Variants in DCC observed in about 807,000 individuals in gnomAD.
DCC encodes DCC netrin 1 receptor, also known as netrin receptor DCC.
In DCC, 58 loss-of-function variants were observed where a neutral mutation model predicts 172.5. The observed-to-expected ratio is 0.34, with a 90% CI of 0.27 to 0.42. The LOEUF is 0.42. Ranked by LOEUF, DCC falls within the 10% of genes least tolerant of loss-of-function variation. The pLI is 1.00. For missense variants in DCC, 1,740 were observed against 1,791.0 expected (o/e 0.97, Z 0.51); for synonymous variants, 709 against 644.5 (o/e 1.10, Z -1.52).
chr18:53,138,477 A>G (rs559618123), intron 7 of DCC, among the ~76,000 whole-genome samples: 3 of 152,298 alleles, frequency 2.0e-5, no homozygotes, highest in East Asian at 1.9e-4. Context: ...GCTTACTTCT[A>G]TTTTTCTGAA....
Position 52,925,283 on chromosome 18 carries a change from G to C in DCC, c.898G>C (p.Val300Leu), listed in dbSNP as rs758939946. Residue 300 changes from valine to leucine, a missense_variant, in exon 5 of 29, where the codon GTG becomes CTG. By Grantham distance (32) the Val-to-Leu change is conservative. Transcript: ENST00000442544. Reference sequence around the variant, plus strand: ...TGGAAGCAACTTGCTTATCTCCAATGTGACAGATGATGACAGTGGAATGTA... The same window carrying C: ...TGGAAGCAACTTGCTTATCTCCAATCTGACAGATGATGACAGTGGAATGTA... ...LGGSNLLISN[V>L]TDDDSGMYTC... 1 of 1,612,680 alleles carries C rather than the reference G, an allele frequency of 6.2e-7. No individual in the cohort carries two copies.
At chr18:53,465,739 C>T (rs746165003) in intron 24 of DCC, among the ~76,000 whole-genome samples, 3 of 151,514 alleles carry the variant, frequency 2.0e-5, no homozygotes, top group Non-Finnish European at 4.4e-5. Context: ...AAAATTGATG[C>T]TTTTCTATTC....
At chr18:52,583,468 A>G (rs1376713586) in intron 1 of DCC, among the ~76,000 whole-genome samples, 1 of 152,196 alleles carries the variant, frequency 6.6e-6, no homozygotes, top group East Asian at 1.9e-4. Flanking sequence ...GTAAAATGTA[A>G]AGAGTTATAC....
chr18:53,415,645 A>G (rs1910268057), intron 20 of DCC, among the ~76,000 whole-genome samples: 1 of 152,206 alleles, frequency 6.6e-6, no homozygotes, highest in African/African-American at 2.4e-5. Flanking sequence ...GCTAAAGTTT[A>G]TCAAGATATT....
intron 5 of DCC, among the ~76,000 whole-genome samples, chr18:52,998,011 T>G (rs1398211517): frequency 1.3e-5 from 2 of 152,204 alleles, no homozygotes; most frequent in East Asian, 3.9e-4. Flanking sequence ...TTATTCTATT[T>G]ATCACCATAT....
chr18:53,124,752 G>A (rs1230292168), intron 7 of DCC, among the ~76,000 whole-genome samples: 1 of 152,012 alleles, frequency 6.6e-6, no homozygotes, highest in Non-Finnish European at 1.5e-5. Flanking sequence ...GATCACCTGA[G>A]GTCAGGAGTT....
At chr18:52,956,561 A>G (rs113541555) in intron 5 of DCC, among the ~76,000 whole-genome samples, 1,810 of 152,066 alleles carry the variant, frequency 0.012, 27 homozygotes, top group African/African-American at 0.04. Context: ...ACCCTTAAAT[A>G]TTAGGTTTGC....
chr18:52,468,118 T>C (rs1400503882), intron 1 of DCC, among the ~76,000 whole-genome samples: 3 of 152,190 alleles, frequency 2.0e-5, no homozygotes, highest in Non-Finnish European at 4.4e-5. Context: ...TGTGCCAGGT[T>C]GCAGGGGTAC....
At chr18:52,721,254 T>TACA (rs1398381796) in intron 1 of DCC, among the ~76,000 whole-genome samples, 1 of 152,214 alleles carries the variant, frequency 6.6e-6, no homozygotes, top group Non-Finnish European at 1.5e-5. Flanking sequence ...CCTGTGTAGT[T>TACA]ACAACTCTAT....
intron 7 of DCC, among the ~76,000 whole-genome samples, chr18:53,117,083 G>C (rs1011634107): frequency 6.6e-6 from 1 of 151,624 alleles, no homozygotes; most frequent in African/African-American, 2.4e-5. Flanking sequence ...TGTCAAAAGA[G>C]AATACCTGAA....
chr18:53,482,860 A>G (rs1320244562), intron 25 of DCC, among the ~76,000 whole-genome samples: 1 of 151,948 alleles, frequency 6.6e-6, no homozygotes, highest in African/African-American at 2.4e-5. Flanking sequence ...AGTTGTTTAA[A>G]AATAGACTTT....
intron 2 of DCC, among the ~76,000 whole-genome samples, chr18:52,865,235 A>G (rs892048446): frequency 2.7e-4 from 41 of 152,130 alleles, no homozygotes; most frequent in Admixed American, 2.4e-3. Context: ...TATCCAGTCT[A>G]TCATTGATGG....
chr18:53,073,458 G>A (rs1001979375), intron 7 of DCC, among the ~76,000 whole-genome samples: 2 of 152,108 alleles, frequency 1.3e-5, no homozygotes, highest in African/African-American at 2.4e-5. Flanking sequence ...CCTGGGGGGC[G>A]GAGCTTGCAG....
chr18:52,970,039 TAATA>T (rs2041004353), intron 5 of DCC, among the ~76,000 whole-genome samples: 1 of 152,100 alleles, frequency 6.6e-6, no homozygotes, highest in Non-Finnish European at 1.5e-5. Context: ...AAAAATTACT[TAATA>T]AAGAATTATG....
chr18:52,428,924 A>T (rs2144460919), intron 1 of DCC, among the ~76,000 whole-genome samples: 1 of 152,222 alleles, frequency 6.6e-6, no homozygotes, highest in South Asian at 2.1e-4. Context: ...TGCCTTTAAA[A>T]TACCCAGCGG....
chr18:53,023,577 T>C (rs1346751611), intron 5 of DCC, among the ~76,000 whole-genome samples: 3 of 151,894 alleles, frequency 2.0e-5, no homozygotes, highest in African/African-American at 2.4e-5. Flanking sequence ...GAACCTAAAA[T>C]AAAAGCTGGA....
At chr18:52,588,918 T>G (rs563939536) in intron 1 of DCC, among the ~76,000 whole-genome samples, 102 of 152,298 alleles carry the variant, frequency 6.7e-4, no homozygotes, top group South Asian at 2.7e-3. Context: ...TTTTAGTTAT[T>G]TATTGCTTAC....
intron 19 of DCC, 36 bp from the exon 20 acceptor site, chr18:53,410,416 G>A: frequency 1.5e-6 from 2 of 1,347,720 alleles, no homozygotes; most frequent in Non-Finnish European, 1.1e-6. Flanking sequence ...CAGCGTGTAG[G>A]ACACCAAATT....
chr18:52,533,756 G>A (rs1323061167), intron 1 of DCC, among the ~76,000 whole-genome samples: 1 of 152,078 alleles, frequency 6.6e-6, no homozygotes, highest in African/African-American at 2.4e-5. Flanking sequence ...TGGGATAAAT[G>A]CCTAAGAATG....
Sources: gnomAD v4.1 joint callset for allele counts (sites outside exome capture counted in the v4.1 genomes callset) on GRCh38, gnomAD v4.1.1 for gene constraint, MANE v1.5 for transcripts, NCBI Gene and HGNC (gene_info 2026-07-23, HGNC 2026-07-21) for gene names.